The following KCNH2 variants were observed in gnomAD, a reference collection of about 807,000 sequenced individuals.
KCNH2 encodes the protein voltage-gated inwardly rectifying potassium channel KCNH2.
In KCNH2, 35 loss-of-function variants were observed where a neutral mutation model predicts 95.9. The observed-to-expected ratio is 0.37, with a 90% confidence interval of 0.28 to 0.48. The LOEUF (loss-of-function observed/expected upper bound fraction) is 0.48, where lower values mean the gene tolerates loss of function less well. Ranked by LOEUF, KCNH2 falls within the 20% of genes least tolerant of loss-of-function variation. The probability of loss-of-function intolerance (pLI) is 0.99; values close to 1 mark genes in which losing one functional copy is unlikely to be tolerated. For synonymous variants in KCNH2, 786 were observed against 754.7 expected, an observed-to-expected ratio of 1.04 and a Z score of -0.68; for missense variants, 1,274 against 1,702.9, an observed-to-expected ratio of 0.75 and a Z score of 4.43.
chr7:150,972,069 C>A (rs1156739694), intron 2 of KCNH2, among the ~76,000 whole-genome samples: 1 of 152,152 alleles, frequency 6.6e-6, no homozygotes, highest in Non-Finnish European at 1.5e-5. Flanking sequence ...CCAGTGAGCC[C>A]CAGGCACCTC....
chr7:150,973,718 A>G (rs977097016), intron 2 of KCNH2, among the ~76,000 whole-genome samples: 1 of 152,214 alleles, frequency 6.6e-6, no homozygotes, highest in Non-Finnish European at 1.5e-5. Context: ...GGGCTGGCAC[A>G]TGGGGCTGGC....
Position 150,951,072 on chromosome 7 carries a change from C to T in KCNH2, c.1994G>A (p.Arg665Gln), listed in dbSNP as rs887593798. 2.5e-6 allele frequency: 4 copies of T among 1,613,542 alleles called. No homozygotes were observed. The highest frequency in any genetic ancestry group is 1.7e-5 in the Admixed American group (1 of 60,024). The change falls in exon 8 of 15, where the codon CGG becomes CAG. Residue 665 changes from arginine to glutamine, a missense_variant. Transcript: ENST00000262186. ...IFGNVSAIIQ[R>Q]LYSGTARYHT... ...GTAGCGGGCTGTGCCCGAGTACAGC[C>T]GCTGGATGATGGCCGACACGTTGCC...
rs559217960 is a variant in KCNH2 at position 150,948,920 on chromosome 7, T to A, written c.2528A>T (p.Asp843Val). The A allele has an allele frequency of 6.2e-7, 1 of 1,614,186 alleles. No individual in the cohort carries two copies. Among genetic ancestry groups the A allele is most frequent in the Admixed American group, 1.7e-5 (1 of 60,022 alleles). Residue 843 changes from aspartate (D) to valine (V), a missense_variant, in exon 10 of 15, where the codon GAC (aspartate) becomes GTC (valine). Coordinates refer to ENST00000262186, the MANE Select transcript of KCNH2 (RefSeq NM_000238.4). ...GTGGTCGGAGAACTCAGGGTACATG[T>A]CCAGCACCTCCAGCAGGTCGTCCCG... ...IHRDDLLEVLDMYPEFSDHFW... is the reference protein window; with the variant it reads ...IHRDDLLEVLVMYPEFSDHFW...
At chr7:150,955,634 C>A in intron 5 of KCNH2, 5 of 1,426,102 alleles carry the variant, frequency 3.5e-6, no homozygotes, top group Non-Finnish European at 3.7e-6. Context: ...CCAGAGCAGC[C>A]CCTGGCATGA....
At chr7:150,951,877 G>T (rs765378686) in intron 6 of KCNH2, 42 bp from the exon 7 acceptor site, 1 of 1,525,120 alleles carries the variant, frequency 6.6e-7, no homozygotes, top group Admixed American at 1.9e-5. Context: ...ATGGGGCAAG[G>T]GGGGCAAGGG....
At chr7:150,958,752 G>A (rs189989371) in intron 3 of KCNH2, among the ~76,000 whole-genome samples, 4 of 151,938 alleles carry the variant, frequency 2.6e-5, no homozygotes, top group African/African-American at 4.8e-5. Flanking sequence ...CTCTCACACC[G>A]GCCGCTGGGT....
chr7:150,973,059 A>G (rs960703799), intron 2 of KCNH2, among the ~76,000 whole-genome samples: 7 of 152,244 alleles, frequency 4.6e-5, no homozygotes, highest in African/African-American at 1.7e-4. Context: ...GAAGGTCCAA[A>G]GCAAGGCACG....
rs1013660810 is a variant in KCNH2 at position 150,950,250 on chromosome 7, A to G, written c.2316T>C (p.Ala772=). 1 of 1,611,542 alleles carries G rather than the reference A, an allele frequency of 6.2e-7. No individual in the cohort carries two copies. Among genetic ancestry groups the G allele is most frequent in the Non-Finnish European group, 8.5e-7 (1 of 1,178,778 alleles). The change falls in exon 9 of 15, where the codon GCT becomes GCC. Residue 772 remains alanine, a synonymous_variant. Transcript: ENST00000262186. ...HAPPGDTLVH[A]GDLLTALYFI... Reference sequence around the variant, plus strand: ...AGTACAGGGCGGTGAGCAGGTCCCCAGCATGCACCAGTGTGTCCCCTGGCG... The same window carrying G: ...AGTACAGGGCGGTGAGCAGGTCCCCGGCATGCACCAGTGTGTCCCCTGGCG...
At position 150,945,343 on chromosome 7, in the gene KCNH2, G is replaced by A. The variant is rs531965822; in HGVS notation, c.*22C>T. On this transcript the variant is annotated 3_prime_UTR_variant, in exon 15 of 15. Transcript: ENST00000262186. This position sits in a 1 kb window ranked among gnomAD's most constrained non-coding sequence, Gnocchi z 5.6. ...GCGCCTTGATCCCTGGGTGAGCCAC[G>A]TGTCCACACTGGGCAGCCCCACTAA... 1.4e-5 allele frequency: 22 copies of A among 1,578,222 alleles called. No homozygotes were observed. Among genetic ancestry groups the A allele is most frequent in the East Asian group, 2.3e-5 (1 of 42,968 alleles).
chr7:150,965,326 C>T (rs896223771), intron 2 of KCNH2, among the ~76,000 whole-genome samples: 1 of 152,202 alleles, frequency 6.6e-6, no homozygotes, highest in Non-Finnish European at 1.5e-5. Flanking sequence ...CCTGAGCCAT[C>T]TCTGCCCCGG....
At chr7:150,969,466 T>A (rs187577286) in intron 2 of KCNH2, among the ~76,000 whole-genome samples, 72 of 151,856 alleles carry the variant, frequency 4.7e-4, no homozygotes, top group African/African-American at 1.7e-3. Context: ...CCTCTGAGGG[T>A]GAAGCTGGGA....
At position 150,945,472 on chromosome 7, in the gene KCNH2, G is replaced by C. The variant is rs1159352279; in HGVS notation, c.3373C>G (p.Pro1125Ala). Residue 1125 changes from proline to alanine, a missense_variant, in exon 15 of 15, where the codon CCA (proline) becomes GCA (alanine). Pro to Ala is a conservative substitution (Grantham distance 27). Around this residue, in one of 7 missense-constraint regions of KCNH2, gnomAD observed 457 missense variants for 416.1 expected, o/e 1.10. Coordinates refer to ENST00000262186, the MANE Select transcript of KCNH2 (RefSeq NM_000238.4). The surrounding 1 kb of genome is among the most constrained non-coding windows in gnomAD (Gnocchi z 5.6). ...MACEELPPGA[P>A]ELPQEGPTRR... ...GTGGGGCCTTCTTGGGGAAGCTCTG[G>C]GGCCCCCGGGGGCAGCTCCTCACAC... 3.2e-6 allele frequency: 5 copies of C among 1,559,842 alleles called. No individual in the cohort carries two copies. In the East Asian group the frequency reaches 9.6e-5, roughly 30 times the overall value.
intron 11 of KCNH2, 64 bp downstream of exon 11, chr7:150,948,380 C>T (rs974083867): frequency 8.9e-6 from 12 of 1,351,260 alleles, no homozygotes; most frequent in South Asian, 2.5e-5. Flanking sequence ...CGGCCCACCC[C>T]GCCTTCCAGC....
At chr7:150,959,520 A>G (rs1218014452) in intron 3 of KCNH2, 52 bp downstream of exon 3, 35 of 1,604,482 alleles carry the variant, frequency 2.2e-5, no homozygotes, top group Non-Finnish European at 2.9e-5. Flanking sequence ...TCACAGCCCC[A>G]AAGAAATGAG....
chr7:150,947,990 G>C (rs1313981796), intron 11 of KCNH2, 112 bp from the exon 12 acceptor site: 1 of 1,301,428 alleles, frequency 7.7e-7, no homozygotes, highest in African/African-American at 1.5e-5. Flanking sequence ...AGGAAGCCCT[G>C]GTTTGTCCCC....
Position 150,958,430 on chromosome 7 carries a change from G to T in KCNH2, c.545C>A (p.Ser182Ter), listed in dbSNP as rs1057517742. Residue 182 changes from serine (S) to a stop codon, truncating the protein, a stop_gained, in exon 4 of 15, where the codon TCG (serine) becomes TAG (stop). Coordinates refer to ENST00000262186, the MANE Select transcript of KCNH2 (RefSeq NM_000238.4). LOFTEE classifies it high-confidence loss of function. The stretch of plus-strand genomic sequence containing the variant: ...GGCGCCCGCGCCGCCCGCGCCGCCC[G>T]ACCGCACCGACGACTCCCGGGCCGT... Reference protein sequence around the residue: ...ALTARESSVRSGGAGGAGAPG... With the variant: ...ALTARESSVR 2 of 1,457,122 alleles carry T rather than the reference G, an allele frequency of 1.4e-6. No homozygotes were observed. The highest frequency in any genetic ancestry group is 1.8e-6 in the Non-Finnish European group (2 of 1,111,938). 90.3% of individuals were successfully genotyped at this position (1,457,122 alleles called of 1,614,324 possible).
At chr7:150,970,785 G>A (rs1435676529) in intron 2 of KCNH2, among the ~76,000 whole-genome samples, 1 of 152,198 alleles carries the variant, frequency 6.6e-6, no homozygotes, top group Non-Finnish European at 1.5e-5. Flanking sequence ...TCCCCATGAT[G>A]AAGGGCGCTC....
rs755261687 is a variant in KCNH2, at chr7:150,946,976, G to A, written c.3231C>T (p.Ala1077=). ...LQRQMTLVPP[A]YSAVTTPGPG... Reference sequence around the variant, plus strand: ...GCCCCGGGGTGGTCACAGCACTGTAGGCGGGCGGGACCAGCGTCATCTGCC... The same window carrying A: ...GCCCCGGGGTGGTCACAGCACTGTAAGCGGGCGGGACCAGCGTCATCTGCC... The change falls in exon 14 of 15, where the codon GCC becomes GCT. Residue 1077 remains alanine, a synonymous_variant. Transcript: ENST00000262186. This position sits in a 1 kb window ranked among gnomAD's most constrained non-coding sequence, Gnocchi z 6.5. The A allele has an allele frequency of 6.2e-7, 1 of 1,610,388 alleles. No individual in the cohort carries two copies. The highest frequency in any genetic ancestry group is 8.5e-7 in the Non-Finnish European group (1 of 1,177,414).
At chr7:150,973,280 A>G (rs1801886295) in intron 2 of KCNH2, among the ~76,000 whole-genome samples, 1 of 152,244 alleles carries the variant, frequency 6.6e-6, no homozygotes, top group Admixed American at 6.5e-5. Flanking sequence ...CATTTTCAAT[A>G]TATGACAGAC....
Sources: allele counts gnomAD v4.1 joint callset (sites outside exome capture counted in the v4.1 genomes callset), GRCh38; gene constraint gnomAD v4.1.1; regional missense constraint gnomAD v4.1.1; non-coding constraint Gnocchi (gnomAD v3.1); transcripts MANE v1.5; gene names NCBI Gene and HGNC (gene_info 2026-07-23, HGNC 2026-07-21).